Variants in AKAP6 observed in about 807,000 individuals in gnomAD.
The protein encoded by AKAP6 is A-kinase anchoring protein 6, also known as A-kinase anchor protein 6.
Under a neutral mutation model 188.5 loss-of-function variants are expected in AKAP6, and 58 were observed. The observed-to-expected ratio is 0.31, with a 90% CI of 0.25 to 0.38. The LOEUF (loss-of-function observed/expected upper bound fraction) is 0.38, where lower values mean the gene tolerates loss of function less well. Among genes scored for constraint, AKAP6 ranks in the 10% least tolerant of loss-of-function variants. The pLI is 1.00. For synonymous variants in AKAP6, 989 were observed against 998.6 expected (o/e 0.99, Z 0.18); for missense variants, 2,710 against 2,740.0 (o/e 0.99, Z 0.24).
chr14:32,770,740 T>G (rs947605366), intron 11 of AKAP6, among the ~76,000 whole-genome samples: 1 of 152,370 alleles, frequency 6.6e-6, no homozygotes, highest in South Asian at 2.1e-4. Flanking sequence ...CACATACTTC[T>G]GTTAGCACCT....
At chr14:32,735,962 A>G (rs2031402052) in intron 11 of AKAP6, 80 bp downstream of exon 11, 4 of 1,065,978 alleles carry the variant, frequency 3.8e-6, no homozygotes, top group Middle Eastern at 3.0e-4. Flanking sequence ...ATGAAGTATT[A>G]TACCCATGTA....
chr14:32,657,150 G>C (rs1201417678), intron 7 of AKAP6, among the ~76,000 whole-genome samples: 6 of 152,136 alleles, frequency 3.9e-5, no homozygotes, highest in Admixed American at 3.9e-4. Flanking sequence ...GGGAGCCCTG[G>C]CTCTGATTTG....
chr14:32,387,932 T>C (rs1278985985), intron 1 of AKAP6, among the ~76,000 whole-genome samples: 1 of 152,080 alleles, frequency 6.6e-6, no homozygotes, highest in Non-Finnish European at 1.5e-5. Flanking sequence ...GTACCAGTTC[T>C]TCTTTGAATG....
At chr14:32,476,619 G>A (rs1040620897) in intron 2 of AKAP6, among the ~76,000 whole-genome samples, 4 of 152,128 alleles carry the variant, frequency 2.6e-5, no homozygotes, top group East Asian at 3.8e-4. Context: ...TTCAGACACC[G>A]GGCCGCAAGT....
rs1174042922 is a variant in AKAP6, at chr14:32,473,196, A to AT, written c.324+39385dup. Among the ~76,000 whole-genome samples, 115 of 152,294 alleles carry AT rather than the reference A, an allele frequency of 7.6e-4. 1 individual carries two copies. Among genetic ancestry groups the AT allele is most frequent in the African/African-American group, 2.7e-3 (111 of 41,570 alleles). On this transcript the variant is annotated intron_variant, in intron 2 of 13. Coordinates refer to ENST00000280979, the MANE Select transcript of AKAP6 (RefSeq NM_004274.5). ...ATAACATAGATGATAATTTAGAGTT[A>AT]TTTTTTACTTTGCTTTTTGTGGGCA...
At chr14:32,744,306 ATTATTTTATT>A (rs574134264) in intron 11 of AKAP6, among the ~76,000 whole-genome samples, 24 of 148,230 alleles carry the variant, frequency 1.6e-4, no homozygotes, top group East Asian at 9.9e-4. Flanking sequence ...TTTTTTTTTA[ATTATTTTATT>A]TTATTTTATT....
intron 11 of AKAP6, among the ~76,000 whole-genome samples, chr14:32,751,263 T>A (rs1312819889): frequency 1.3e-5 from 2 of 152,190 alleles, no homozygotes; most frequent in African/African-American, 2.4e-5. Context: ...TCCTAGTATT[T>A]TTTCCAAACC....
intron 7 of AKAP6, among the ~76,000 whole-genome samples, chr14:32,616,779 A>T (rs1297202211): frequency 2.0e-5 from 3 of 152,196 alleles, no homozygotes; most frequent in Non-Finnish European, 2.9e-5. Context: ...TCTTTTTTCA[A>T]ACTAAATCTT....
chr14:32,664,939 C>G (rs1477164317), intron 7 of AKAP6, among the ~76,000 whole-genome samples: 4 of 152,092 alleles, frequency 2.6e-5, no homozygotes, highest in African/African-American at 9.7e-5. Context: ...CATAGCTTTT[C>G]TTAAAAGTGT....
chr14:32,524,516 A>G (rs1882024237), intron 2 of AKAP6, among the ~76,000 whole-genome samples: 1 of 152,192 alleles, frequency 6.6e-6, no homozygotes, highest in African/African-American at 2.4e-5. Flanking sequence ...TGTGTGAGAC[A>G]GTCATTTGTT....
intron 2 of AKAP6, among the ~76,000 whole-genome samples, chr14:32,471,273 A>T (rs1878763414): frequency 6.6e-6 from 1 of 152,234 alleles, no homozygotes; most frequent in South Asian, 2.1e-4. Context: ...CAAAGTTAGC[A>T]CTAAGTACCA....
intron 3 of AKAP6, among the ~76,000 whole-genome samples, chr14:32,536,091 A>G (rs1386076248): frequency 6.6e-6 from 1 of 152,228 alleles, no homozygotes; most frequent in Non-Finnish European, 1.5e-5. Flanking sequence ...TGTATTGAGT[A>G]CTTACTATGT....
intron 12 of AKAP6, among the ~76,000 whole-genome samples, chr14:32,814,039 C>T (rs2034316957): frequency 6.6e-6 from 1 of 152,066 alleles, no homozygotes; most frequent in African/African-American, 2.4e-5. Context: ...CTGGGACAAA[C>T]AAGGTGTTGA....
At chr14:32,705,221 A>T (rs114675945) in intron 9 of AKAP6, among the ~76,000 whole-genome samples, 167 of 152,304 alleles carry the variant, frequency 1.1e-3, no homozygotes, top group African/African-American at 3.9e-3. Context: ...CATTCTTAAG[A>T]TTCATTTCTT....
intron 12 of AKAP6, among the ~76,000 whole-genome samples, chr14:32,800,131 C>CAT (rs768823220): frequency 7.0e-6 from 1 of 142,446 alleles, no homozygotes; most frequent in Non-Finnish European, 1.5e-5. Flanking sequence ...TATATACACA[C>CAT]ATATATATAC....
intron 7 of AKAP6, among the ~76,000 whole-genome samples, chr14:32,611,407 G>A (rs1401908817): frequency 6.6e-6 from 1 of 152,170 alleles, no homozygotes; most frequent in South Asian, 2.1e-4. Context: ...ATTTAGTAAG[G>A]AGGAGAAACT....
chr14:32,464,947 C>T (rs1415727187), intron 2 of AKAP6, among the ~76,000 whole-genome samples: 5 of 151,954 alleles, frequency 3.3e-5, no homozygotes, highest in African/African-American at 1.2e-4. Flanking sequence ...TATACATCAA[C>T]AATAGACAAA....
rs886805551 is a variant in AKAP6 at position 32,710,835 on chromosome 14, G to A, written c.3000+14725G>A. On this transcript the variant is annotated intron_variant, in intron 9 of 13. Transcript: ENST00000280979. Reference sequence around the variant, plus strand: ...TGTGCTCAAAAGATAAAACAGAATCGGGGCTGACAACTATGACCTGCAGGT... The same window carrying A: ...TGTGCTCAAAAGATAAAACAGAATCAGGGCTGACAACTATGACCTGCAGGT... Among the ~76,000 whole-genome samples the A allele has an allele frequency of 3.9e-5, 6 of 152,018 alleles. No individual in the cohort carries two copies. In the East Asian group the frequency reaches 5.8e-4, roughly 15 times the overall value.
intron 1 of AKAP6, among the ~76,000 whole-genome samples, chr14:32,355,895 C>A (rs1887467132): frequency 6.6e-6 from 1 of 152,076 alleles, no homozygotes; most frequent in Non-Finnish European, 1.5e-5. Flanking sequence ...CCACCTCAAC[C>A]TCCCAAGTAG....
Sources: gnomAD v4.1 joint callset for allele counts (sites outside exome capture counted in the v4.1 genomes callset) on GRCh38, gnomAD v4.1.1 for gene constraint, MANE v1.5 for transcripts, NCBI Gene and HGNC (gene_info 2026-07-23, HGNC 2026-07-21) for gene names.